The following CEP63 variants were observed in gnomAD, a reference collection of about 807,000 sequenced individuals.
CEP63 encodes the protein centrosomal protein 63, also known as centrosomal protein of 63 kDa.
A neutral mutation model predicts 89.1 loss-of-function variants in CEP63; 84 were observed. That is an observed-to-expected ratio of 0.94 (90% CI 0.79 to 1.13). The LOEUF is 1.13. Among genes scored for constraint, CEP63 ranks in the 50% most tolerant of loss-of-function variants. The pLI, the probability that CEP63 is intolerant of heterozygous loss-of-function variation, is 0.00. For synonymous variants in CEP63, 267 were observed against 272.5 expected, an observed-to-expected ratio of 0.98 and a Z score of 0.20; for missense variants, 838 against 813.3, an observed-to-expected ratio of 1.03 and a Z score of -0.37.
At chr3:134,650,904 G>GTGCACGATCAGCAGCA in the CEP63 span, 9 of 1,613,162 alleles carry the variant, frequency 5.6e-6, no homozygotes, top group Non-Finnish European at 3.4e-6. Flanking sequence ...GCTTCTCCGA[G>GTGCACGATCAGCAGCA]TGCACGATCA....
chr3:134,651,739 G>T, the CEP63 span: 5 of 485,208 alleles, frequency 1.0e-5, no homozygotes, highest in Non-Finnish European at 1.3e-5. Context: ...CCTGGCTCCT[G>T]CCCTGTGGGG....
At chr3:134,549,904 A>G (rs1451939852) in intron 10 of CEP63, among the ~76,000 whole-genome samples, 159 bp from the exon 11 acceptor site, 1 of 152,228 alleles carries the variant, frequency 6.6e-6, no homozygotes, top group African/African-American at 2.4e-5. Context: ...CAGTACAGAT[A>G]TGCAACTTGG....
the CEP63 span, chr3:134,651,199 A>C: frequency 7.5e-7 from 1 of 1,332,666 alleles, no homozygotes. Flanking sequence ...TTGAAAGGAA[A>C]TCCCCGGGCC....
chr3:134,541,814 C>G (rs1198766166), intron 6 of CEP63, among the ~76,000 whole-genome samples: 1 of 151,846 alleles, frequency 6.6e-6, no homozygotes, highest in Non-Finnish European at 1.5e-5. Context: ...CGCCTGGCCA[C>G]CAGCATTTTT....
At chr3:134,739,939 T>A in the CEP63 span, among the ~76,000 whole-genome samples, 1 of 152,140 alleles carries the variant, frequency 6.6e-6, no homozygotes, top group African/African-American at 2.4e-5. Flanking sequence ...AGGACACCGG[T>A]GTACTTGTTC....
intron 12 of CEP63, among the ~76,000 whole-genome samples, chr3:134,555,820 A>G (rs1404282300): frequency 4.6e-5 from 7 of 152,140 alleles, no homozygotes; most frequent in African/African-American, 2.4e-5. Flanking sequence ...CGCCAAGTCA[A>G]TCCTAAGCAA....
At chr3:134,707,041 A>G in the CEP63 span, among the ~76,000 whole-genome samples, 1 of 152,204 alleles carries the variant, frequency 6.6e-6, no homozygotes, top group African/African-American at 2.4e-5. Flanking sequence ...AAAAGTCACA[A>G]TAACAGGTAC....
the CEP63 span, among the ~76,000 whole-genome samples, chr3:134,649,392 G>A: frequency 1.3e-5 from 2 of 152,150 alleles, no homozygotes; most frequent in African/African-American, 4.8e-5. Flanking sequence ...GAAGTGATGT[G>A]ATCAGAGAGG....
chr3:134,625,696 A>G, the CEP63 span, among the ~76,000 whole-genome samples: 1 of 152,374 alleles, frequency 6.6e-6, no homozygotes, highest in South Asian at 2.1e-4. Context: ...TGGCACCCAG[A>G]CAGGCTTCCT....
intron 1 of CEP63, among the ~76,000 whole-genome samples, chr3:134,491,698 T>A (rs556342434): frequency 1.3e-5 from 2 of 152,340 alleles, no homozygotes; most frequent in African/African-American, 2.4e-5. Flanking sequence ...TGCTTAGTAA[T>A]ACTGATTGTT....
chr3:134,503,863 T>C (rs932051965), intron 2 of CEP63, among the ~76,000 whole-genome samples: 10 of 152,204 alleles, frequency 6.6e-5, no homozygotes, highest in African/African-American at 1.9e-4. Context: ...TCATTTTCAG[T>C]TTATGCGTGT....
At chr3:134,754,721 G>C in the CEP63 span, among the ~76,000 whole-genome samples, 8 of 152,264 alleles carry the variant, frequency 5.3e-5, no homozygotes, top group African/African-American at 1.7e-4. Flanking sequence ...TTTCTTTTAA[G>C]AGTTCAGTTA....
chr3:134,510,798 C>A, intron 3 of CEP63: 2 of 343,730 alleles, frequency 5.8e-6, no homozygotes, highest in Non-Finnish European at 5.6e-6. Flanking sequence ...GCAGTTCTGG[C>A]CCTGGAGGCC....
At chr3:134,664,179 C>T in the CEP63 span, among the ~76,000 whole-genome samples, 6 of 152,326 alleles carry the variant, frequency 3.9e-5, no homozygotes, top group East Asian at 1.2e-3. Flanking sequence ...TGGAGAGCCC[C>T]TACTGGGTAT....
the CEP63 span, among the ~76,000 whole-genome samples, chr3:134,728,772 T>C: frequency 6.6e-6 from 1 of 152,244 alleles, no homozygotes; most frequent in African/African-American, 2.4e-5. Flanking sequence ...AATATAAAGA[T>C]TGATAAGCAA....
At chr3:134,656,739 G>A in the CEP63 span, among the ~76,000 whole-genome samples, 1 of 152,172 alleles carries the variant, frequency 6.6e-6, no homozygotes, top group African/African-American at 2.4e-5. Flanking sequence ...GAGACACAGA[G>A]CCTCCACCTA....
chr3:134,766,215 G>T, the CEP63 span, among the ~76,000 whole-genome samples: 1 of 152,268 alleles, frequency 6.6e-6, no homozygotes, highest in Non-Finnish European at 1.5e-5. Flanking sequence ...ACCTCTCCCC[G>T]CAGCTTTCAT....
In CEP63 at chr3:134,497,367, A is replaced by G. The variant is rs113522353; in HGVS notation, c.44+2003A>G. ...ACCAGTGTACTGAAGCATTTCCTCT[A>G]TATTTTCTTTTTGTTTTTTTAGAGA... On this transcript the variant is annotated intron_variant, in intron 2 of 14. Coordinates refer to ENST00000675561, the MANE Select transcript of CEP63 (RefSeq NM_001353108.3). Among the ~76,000 whole-genome samples, 1,322 of 151,894 alleles carry G rather than the reference A, an allele frequency of 8.7e-3. 18 individuals are homozygous for G. The highest frequency in any genetic ancestry group is 0.031 in the African/African-American group (1,271 of 41,428).
chr3:134,523,118 A>G (rs536638921), intron 3 of CEP63, among the ~76,000 whole-genome samples: 1 of 152,170 alleles, frequency 6.6e-6, no homozygotes, highest in South Asian at 2.1e-4. Context: ...ATGGTATTTC[A>G]TTGTGGTTTT....
Sources: gnomAD v4.1 joint callset for allele counts (sites outside exome capture counted in the v4.1 genomes callset) on GRCh38, gnomAD v4.1.1 for gene constraint, MANE v1.5 for transcripts, NCBI Gene and HGNC (gene_info 2026-07-23, HGNC 2026-07-21) for gene names.